Variants in BRD4 observed in about 807,000 individuals in gnomAD.
BRD4 encodes bromodomain containing 4.
In BRD4, 16 loss-of-function variants were observed where a neutral mutation model predicts 142.1. The ratio of observed to expected loss-of-function variants is 0.11; its 90% CI spans 0.08 to 0.17. The LOEUF is 0.17. BRD4 is among the 10% of genes least tolerant of loss of function. The pLI is 1.00. For synonymous variants in BRD4, 833 were observed against 707.5 expected (o/e 1.18, Z -2.82); for missense variants, 1,424 against 1,810.9 (o/e 0.79, Z 3.88).
At chr19:15,289,633 A>G (rs945625113) in intron 1 of BRD4, among the ~76,000 whole-genome samples, 1 of 151,726 alleles carries the variant, frequency 6.6e-6, no homozygotes, top group African/African-American at 2.4e-5. Context: ...CAAGGTAGCT[A>G]GGTTAGTGCA....
intron 11 of BRD4, chr19:15,249,369 G>A (rs1378868066): frequency 5.6e-6 from 9 of 1,609,876 alleles, no homozygotes; most frequent in African/African-American, 4.0e-5. Flanking sequence ...CAGAAGAACC[G>A]CAGACTGAGC....
rs140198813 is a variant in BRD4 at position 15,263,595 on chromosome 19, C to T, written c.1213-47G>A. 7.5e-4 allele frequency: 1,196 copies of T among 1,603,940 alleles called. 4 individuals carry two copies. Among genetic ancestry groups the T allele is most frequent in the Non-Finnish European group, 6.7e-4 (787 of 1,171,760 alleles). On this transcript the variant is annotated intron_variant, in intron 6 of 19. Coordinates refer to ENST00000679869, the MANE Select transcript of BRD4 (RefSeq NM_001379291.1). ...TGTTAGCTGTGTCTGCCCATGTGAC[C>T]ATGGAGAAGTGGCTGGCAGCAGACG...
At chr19:15,263,982 C>A (rs2047502806) in intron 6 of BRD4, 3 of 229,934 alleles carry the variant, frequency 1.3e-5, no homozygotes, top group Non-Finnish European at 2.6e-5. Context: ...AGCCTCAAAA[C>A]ACTATGGTGA....
At chr19:15,298,619 TCAAAAAAAAAAAAAAAAAAAAA>T (rs1568402992) in intron 1 of BRD4, among the ~76,000 whole-genome samples, 1 of 28,190 alleles carries the variant, frequency 3.5e-5, no homozygotes, top group Non-Finnish European at 5.8e-5. Flanking sequence ...AGACTCCAAC[TCAAAAAAAAAAAAAAAAAAAAA>T]AAAAAAAAAA....
Position 15,238,083 on chromosome 19 carries a change from C to T in BRD4, c.*294G>A, listed in dbSNP as rs995579787. The T allele has an allele frequency of 1.3e-5, 6 of 456,328 alleles. No individual in the cohort carries two copies. The highest frequency in any genetic ancestry group is 3.9e-5 in the African/African-American group (2 of 50,864). 28.3% of individuals were successfully genotyped at this position (456,328 alleles called of 1,614,324 possible). A position where few individuals can be genotyped will look rare whatever the true frequency, so the allele number is the denominator to read the frequency against. Reference sequence around the variant, plus strand: ...TTGGCGGAGAGAAGGGCCTCTGCCCCGCATGTGGGGATGCAGGGCTTGGGT... The same window carrying T: ...TTGGCGGAGAGAAGGGCCTCTGCCCTGCATGTGGGGATGCAGGGCTTGGGT... On this transcript the variant is annotated 3_prime_UTR_variant, in exon 20 of 20. Coordinates refer to ENST00000679869, the MANE Select transcript of BRD4 (RefSeq NM_001379291.1). The surrounding 1 kb of genome is among the most constrained non-coding windows in gnomAD (Gnocchi z 7.2).
At chr19:15,303,910 C>T (rs1321259210) in intron 1 of BRD4, among the ~76,000 whole-genome samples, 1 of 152,138 alleles carries the variant, frequency 6.6e-6, no homozygotes, top group Non-Finnish European at 1.5e-5. Flanking sequence ...AAGATGCCAG[C>T]AAGAACATTC....
At chr19:15,247,697 G>A (rs1192833902) in intron 11 of BRD4, 10 of 233,006 alleles carry the variant, frequency 4.3e-5, no homozygotes, top group Non-Finnish European at 7.6e-5. Context: ...GGGAATCTGG[G>A]CATGAAGGCT....
At position 15,255,340 on chromosome 19, in the gene BRD4, C is replaced by T. The variant is rs1335425516; in HGVS notation, c.2004G>A (p.Glu668=). The T allele has an allele frequency of 1.9e-6, 3 of 1,613,970 alleles. No homozygotes were observed. Among genetic ancestry groups the T allele is most frequent in the Admixed American group, 1.7e-5 (1 of 60,002 alleles). The change falls in exon 10 of 20, where the codon GAG becomes GAA. Residue 668 remains glutamate, a synonymous_variant. Transcript: ENST00000679869. ...TLKPSTLREL[E]RYVTSCLRKK... ...TCCGCAAACAGGAGGTGACATAGCG[C>T]TCCAGCTCACGCAGTGTGGACGGCT...
chr19:15,257,009 G>T lies in BRD4; in HGVS notation c.1506C>A (p.Asp502Glu). 6.3e-7 allele frequency: 1 copy of T among 1,591,358 alleles called. No homozygotes were observed. ...SSSDSDSSTD[D>E]SEEERAQRLA... is the part of the protein sequence containing the mutation. The stretch of plus-strand genomic sequence containing the variant: ...GCCGCTGGGCTCGCTCCTCCTCAGA[G>T]TCATCAGTCGAACTGTCACTGTCCG... Residue 502 changes from aspartate (D) to glutamate (E), a missense_variant, in exon 8 of 20, where the codon GAC (aspartate) becomes GAA (glutamate). Physicochemically the swap from Asp to Glu is conservative, Grantham distance 45. This residue lies in a region of BRD4 where 90 missense variants were observed against 93.2 expected (regional missense o/e 0.97). Transcript: ENST00000679869.
At chr19:15,248,534 A>G (rs1395435791) in intron 11 of BRD4, 1 of 221,956 alleles carries the variant, frequency 4.5e-6, no homozygotes, top group Non-Finnish European at 9.0e-6. Context: ...TACTTTCCCT[A>G]TGTGACTTGA....
intron 8 of BRD4, among the ~76,000 whole-genome samples, 159 bp downstream of exon 8, chr19:15,256,805 T>C (rs1039218527): frequency 2.6e-5 from 4 of 152,140 alleles, no homozygotes; most frequent in African/African-American, 9.7e-5. Context: ...ATGATCAACA[T>C]GCATTTGACC....
chr19:15,295,022 CA>C (rs1202801513), intron 1 of BRD4, among the ~76,000 whole-genome samples: 2 of 152,200 alleles, frequency 1.3e-5, no homozygotes, highest in South Asian at 2.1e-4. Flanking sequence ...GTGCTGTTTA[CA>C]ATTTCCTAGC....
intron 4 of BRD4, among the ~76,000 whole-genome samples, chr19:15,266,595 T>A (rs2047536442): frequency 1.3e-5 from 2 of 152,164 alleles, no homozygotes; most frequent in East Asian, 1.9e-4. Context: ...GGATCAGGAA[T>A]GTGATCTGAT....
In BRD4 at chr19:15,273,130, C is replaced by A. The variant is rs1210315940; in HGVS notation, c.-31G>T. On this transcript the variant is annotated 5_prime_UTR_variant, in exon 2 of 20. Coordinates refer to ENST00000679869, the MANE Select transcript of BRD4 (RefSeq NM_001379291.1). ...TGATCCCATCACATTCTTCACCAGG[C>A]ACTCTACAAAGGAAGAGAAGAGCCC... is the stretch of plus-strand genomic sequence containing the variant. 6.4e-7 allele frequency: 1 copy of A among 1,555,902 alleles called. No individual in the cohort carries two copies. Among genetic ancestry groups the A allele is most frequent in the South Asian group, 1.2e-5 (1 of 81,634 alleles).
chr19:15,289,300 C>T (rs938997230), intron 1 of BRD4, among the ~76,000 whole-genome samples: 13 of 152,158 alleles, frequency 8.5e-5, no homozygotes, highest in African/African-American at 3.1e-4. Flanking sequence ...GCCTATAATC[C>T]CAGCACTTTG....
At chr19:15,288,112 C>T (rs2047753861) in intron 1 of BRD4, among the ~76,000 whole-genome samples, 1 of 152,134 alleles carries the variant, frequency 6.6e-6, no homozygotes, top group Non-Finnish European at 1.5e-5. Flanking sequence ...TCATATTTTG[C>T]CTATCTATCC....
At chr19:15,320,052 A>G (rs2048048547) in intron 1 of BRD4, among the ~76,000 whole-genome samples, 1 of 152,172 alleles carries the variant, frequency 6.6e-6, no homozygotes, top group African/African-American at 2.4e-5. Context: ...TTAGAGTTCA[A>G]TGTTTATGCC....
intron 1 of BRD4, among the ~76,000 whole-genome samples, chr19:15,304,519 G>C (rs150469265): frequency 2.4e-4 from 37 of 152,318 alleles, no homozygotes; most frequent in African/African-American, 7.9e-4. Context: ...TTTCCAGGCC[G>C]CCAGTGCCCT....
At chr19:15,324,101 C>T (rs1451473694) in intron 1 of BRD4, among the ~76,000 whole-genome samples, 5 of 152,104 alleles carry the variant, frequency 3.3e-5, no homozygotes, top group African/African-American at 1.2e-4. Context: ...CTCTCCTCTC[C>T]TGCTCTGGTA....
Sources: gnomAD v4.1 joint callset for allele counts (sites outside exome capture counted in the v4.1 genomes callset) on GRCh38, gnomAD v4.1.1 for gene constraint, gnomAD v4.1.1 regional missense constraint, Gnocchi (gnomAD v3.1) non-coding constraint, MANE v1.5 for transcripts, NCBI Gene and HGNC (gene_info 2026-07-23, HGNC 2026-07-21) for gene names.